The following EVA1C variants were observed in gnomAD, a reference collection of about 807,000 sequenced individuals.
EVA1C encodes eva-1 homolog C, also known as protein eva-1 homolog C.
Under a neutral mutation model 45.4 loss-of-function variants are expected in EVA1C, and 25 were observed. That is an observed-to-expected ratio of 0.55 (90% CI 0.40 to 0.77). The LOEUF (loss-of-function observed/expected upper bound fraction) is 0.77. EVA1C is among the 30% of genes least tolerant of loss of function. The pLI is 0.00. For missense variants in EVA1C, 479 were observed against 554.8 expected, an observed-to-expected ratio of 0.86 and a Z score of 1.37; for synonymous variants, 190 against 221.2, an observed-to-expected ratio of 0.86 and a Z score of 1.25.
At chr21:32,438,232 T>C (rs1401448137) in intron 1 of EVA1C, among the ~76,000 whole-genome samples, 4 of 152,088 alleles carry the variant, frequency 2.6e-5, no homozygotes, top group Admixed American at 6.6e-5. Flanking sequence ...CATGGTGGCT[T>C]ACACCTGTAA....
Position 32,495,258 on chromosome 21 carries a change from G to A in EVA1C, c.778+88G>A, listed in dbSNP as rs371908108. 135 of 1,440,914 alleles carry A rather than the reference G, an allele frequency of 9.4e-5. 2 individuals carry two copies. In the South Asian group the frequency reaches 1.6e-3, roughly 18 times the overall value. The allele number at this position is 1,440,914 out of a possible 1,614,324, so 89.3% of individuals were successfully genotyped here. A position where few individuals can be genotyped will look rare whatever the true frequency, so the allele number is the denominator to read the frequency against. ...CATGTGAACGGCAGGAGTTTGCCCAGAACAAGCCAAACACTGCTCCTCCTG... is the reference window on the plus strand; with the variant it reads ...CATGTGAACGGCAGGAGTTTGCCCAAAACAAGCCAAACACTGCTCCTCCTG... On this transcript the variant is annotated intron_variant, in intron 5 of 7. Transcript: ENST00000300255.
intron 4 of EVA1C, among the ~76,000 whole-genome samples, chr21:32,490,396 G>A (rs1195211730): frequency 6.6e-6 from 1 of 152,130 alleles, no homozygotes; most frequent in Non-Finnish European, 1.5e-5. Flanking sequence ...GTTGTAGTAT[G>A]TGTCAGTTCT....
intron 4 of EVA1C, among the ~76,000 whole-genome samples, chr21:32,491,973 G>C (rs993573475): frequency 6.6e-6 from 1 of 152,216 alleles, no homozygotes; most frequent in African/African-American, 2.4e-5. Context: ...GGCAGGGATG[G>C]ACTTGGGACT....
intron 1 of EVA1C, among the ~76,000 whole-genome samples, chr21:32,419,904 ATAATAACATAAATCC>A (rs2034198201): frequency 6.6e-6 from 1 of 152,182 alleles, no homozygotes; most frequent in South Asian, 2.1e-4. Flanking sequence ...ATGGTTTCTC[ATAATAACATAAATCC>A]TAAATCCTAC....
chr21:32,449,106 C>G (rs1190493916), intron 1 of EVA1C, among the ~76,000 whole-genome samples: 1 of 152,050 alleles, frequency 6.6e-6, no homozygotes, highest in African/African-American at 2.4e-5. Context: ...TTTCATCAAC[C>G]TCTACTCCTA....
intron 1 of EVA1C, among the ~76,000 whole-genome samples, chr21:32,444,139 G>A (rs1314433469): frequency 2.0e-5 from 3 of 151,074 alleles, no homozygotes; most frequent in Admixed American, 6.6e-5. Context: ...CAATCAACAC[G>A]GAATATTTTT....
At chr21:32,493,738 T>C (rs1341294853) in intron 4 of EVA1C, 1 of 152,196 alleles carries the variant, frequency 6.6e-6, no homozygotes, top group East Asian at 1.9e-4. Context: ...TGTGAAAGGA[T>C]GCTTTCATCT....
intron 3 of EVA1C, among the ~76,000 whole-genome samples, chr21:32,466,824 CTTT>C (rs34603277): frequency 2.1e-5 from 3 of 145,696 alleles, no homozygotes; most frequent in African/African-American, 5.0e-5. Flanking sequence ...ATCTTTCTTG[CTTT>C]TTTTTTTTTT....
At chr21:32,498,066 G>GT (rs2037408939) in intron 5 of EVA1C, among the ~76,000 whole-genome samples, 1 of 152,184 alleles carries the variant, frequency 6.6e-6, no homozygotes, top group Admixed American at 6.6e-5. Flanking sequence ...ACATGTCCCA[G>GT]TTCAAGCTTT....
intron 4 of EVA1C, among the ~76,000 whole-genome samples, chr21:32,482,773 G>A (rs1056195500): frequency 3.9e-5 from 6 of 152,020 alleles, no homozygotes; most frequent in East Asian, 3.9e-4. Flanking sequence ...CCCTGTTCAC[G>A]GAACTTCACC....
At chr21:32,451,684 CT>C (rs1228512483) in intron 1 of EVA1C, among the ~76,000 whole-genome samples, 1 of 152,204 alleles carries the variant, frequency 6.6e-6, no homozygotes, top group Admixed American at 6.5e-5. Context: ...AGAATCCTTC[CT>C]GGCCTTTTCC....
At chr21:32,458,010 C>CA (rs2035853240) in intron 3 of EVA1C, among the ~76,000 whole-genome samples, 3 of 152,196 alleles carry the variant, frequency 2.0e-5, no homozygotes, top group Admixed American at 2.0e-4. Flanking sequence ...ACTGATGCTA[C>CA]AACTCTCAGG....
chr21:32,448,895 A>T (rs557762668), intron 1 of EVA1C, among the ~76,000 whole-genome samples: 36 of 151,476 alleles, frequency 2.4e-4, no homozygotes, highest in South Asian at 8.4e-4. Context: ...GGTGACAAAG[A>T]AAAAAAAAGA....
intron 1 of EVA1C, among the ~76,000 whole-genome samples, chr21:32,448,459 A>G (rs9980314): frequency 0.37 from 56,051 of 152,030 alleles, 10,619 homozygotes; most frequent in Middle Eastern, 0.45. Context: ...AAGGAACAGG[A>G]CATGATGGCC....
intron 5 of EVA1C, among the ~76,000 whole-genome samples, chr21:32,500,757 A>G (rs1033000752): frequency 2.0e-5 from 3 of 151,108 alleles, no homozygotes; most frequent in African/African-American, 7.3e-5. Context: ...GGCTTCTTTA[A>G]CTGAATGTGA....
At chr21:32,484,116 A>G (rs2036888330) in intron 4 of EVA1C, among the ~76,000 whole-genome samples, 1 of 152,136 alleles carries the variant, frequency 6.6e-6, no homozygotes, top group Non-Finnish European at 1.5e-5. Flanking sequence ...AATGAGTAGA[A>G]GAGTTTCCCT....
rs73359981 is a variant in EVA1C at position 32,416,704 on chromosome 21, G to A, written c.160+3691G>A. Among the ~76,000 whole-genome samples, 803 of 152,164 alleles carry A rather than the reference G, an allele frequency of 5.3e-3. 7 individuals are homozygous for A. Among genetic ancestry groups the A allele is most frequent in the African/African-American group, 0.018 (744 of 41,528 alleles). On this transcript the variant is annotated intron_variant, in intron 1 of 7. Coordinates refer to ENST00000300255, the MANE Select transcript of EVA1C (RefSeq NM_058187.5). Reference sequence around the variant, plus strand: ...GATTGATGGGCTTCTAGGTAGAGGTGGGGAGGAAGGAAGGGAAGGAAAGGG... The same window carrying A: ...GATTGATGGGCTTCTAGGTAGAGGTAGGGAGGAAGGAAGGGAAGGAAAGGG...
At chr21:32,470,754 CT>C (rs938251613) in intron 4 of EVA1C, among the ~76,000 whole-genome samples, 334 of 144,824 alleles carry the variant, frequency 2.3e-3, no homozygotes, top group African/African-American at 8.2e-3. Context: ...CTTTCTTTTT[CT>C]TTTTCTTTCT....
At chr21:32,507,973 G>A (rs1981934621) in intron 7 of EVA1C, among the ~76,000 whole-genome samples, 1 of 151,822 alleles carries the variant, frequency 6.6e-6, no homozygotes, top group Non-Finnish European at 1.5e-5. Flanking sequence ...ATCTGTATGT[G>A]TGCCTGCATG....
Sources: gnomAD v4.1 joint callset for allele counts (sites outside exome capture counted in the v4.1 genomes callset) on GRCh38, gnomAD v4.1.1 for gene constraint, MANE v1.5 for transcripts, NCBI Gene and HGNC (gene_info 2026-07-23, HGNC 2026-07-21) for gene names.